DLGAP2: variants seen among roughly 807,000 people sequenced by gnomAD.
DLGAP2 encodes the protein disks large-associated protein 2.
A neutral mutation model predicts 100.3 loss-of-function variants in DLGAP2; 26 were observed. The ratio of observed to expected loss-of-function variants is 0.26; its 90% CI spans 0.19 to 0.36. DLGAP2 has a LOEUF of 0.36. DLGAP2 is among the 10% of genes least tolerant of loss of function. The pLI is 1.00. For synonymous variants in DLGAP2, 886 were observed against 630.1 expected, an observed-to-expected ratio of 1.41 and a Z score of -6.08; for missense variants, 1,858 against 1,453.2, an observed-to-expected ratio of 1.28 and a Z score of -4.53.
intron 3 of DLGAP2, among the ~76,000 whole-genome samples, chr8:1,437,813 C>CAAAAAAAAA (rs59165125): frequency 3.3e-3 from 280 of 84,174 alleles, no homozygotes; most frequent in East Asian, 8.8e-3. Flanking sequence ...ACTAAAAATA[C>CAAAAAAAAA]AAAAAAAAAA....
intron 2 of DLGAP2, among the ~76,000 whole-genome samples, chr8:1,190,712 G>T (rs184188747): frequency 6.6e-6 from 1 of 152,272 alleles, no homozygotes; most frequent in Admixed American, 6.5e-5. Flanking sequence ...AGAAAGCCAG[G>T]GCCAGAGGTC....
intron 6 of DLGAP2, among the ~76,000 whole-genome samples, chr8:1,597,623 T>C (rs1174323223): frequency 1.3e-5 from 2 of 152,226 alleles, no homozygotes; most frequent in Admixed American, 6.5e-5. Context: ...TTATTCTCTT[T>C]GTAGCAATTG....
intron 1 of DLGAP2, among the ~76,000 whole-genome samples, chr8:765,293 A>G (rs1821182895): frequency 3.3e-5 from 5 of 152,224 alleles, no homozygotes; most frequent in Admixed American, 2.6e-4. Context: ...CTGATAATGT[A>G]TCAATGTTAA....
chr8:1,522,501 A>C (rs1490174129), intron 4 of DLGAP2, among the ~76,000 whole-genome samples: 1 of 152,198 alleles, frequency 6.6e-6, no homozygotes, highest in African/African-American at 2.4e-5. Flanking sequence ...GTGCTGGGTC[A>C]TCACCATGCC....
At chr8:1,598,625 C>A (rs914972129) in intron 6 of DLGAP2, among the ~76,000 whole-genome samples, 2 of 152,120 alleles carry the variant, frequency 1.3e-5, no homozygotes, top group Non-Finnish European at 2.9e-5. Flanking sequence ...GTATCAGTTT[C>A]TTCTAGATTT....
chr8:1,279,496 G>A (rs1369523258), intron 3 of DLGAP2, among the ~76,000 whole-genome samples: 1 of 152,162 alleles, frequency 6.6e-6, no homozygotes, highest in Non-Finnish European at 1.5e-5. Flanking sequence ...TGCTGCGGAG[G>A]GAAATTGCAA....
At chr8:1,485,552 T>G (rs567777547) in intron 3 of DLGAP2, among the ~76,000 whole-genome samples, 4 of 152,374 alleles carry the variant, frequency 2.6e-5, no homozygotes, top group South Asian at 2.1e-4. Context: ...TGTCCCACGT[T>G]GCGTCCATGT....
At chr8:865,256 C>G (rs918222945) in intron 1 of DLGAP2, among the ~76,000 whole-genome samples, 2 of 152,180 alleles carry the variant, frequency 1.3e-5, no homozygotes, top group Admixed American at 6.5e-5. Flanking sequence ...GATCTTCTAG[C>G]TGTTTCTGTT....
chr8:746,506 G>C (rs181232448), intron 1 of DLGAP2, among the ~76,000 whole-genome samples: 17 of 152,322 alleles, frequency 1.1e-4, no homozygotes, highest in Admixed American at 9.1e-4. Flanking sequence ...CCAGTGCCAC[G>C]GGCTGGGAGA....
At chr8:1,178,146 C>A (rs137913064) in intron 2 of DLGAP2, among the ~76,000 whole-genome samples, 267 of 152,266 alleles carry the variant, frequency 1.8e-3, no homozygotes, top group African/African-American at 5.9e-3. Context: ...CTAGGGACCC[C>A]CGGAGGACTG....
chr8:1,463,179 A>G (rs1798509065), intron 3 of DLGAP2, among the ~76,000 whole-genome samples: 1 of 152,028 alleles, frequency 6.6e-6, no homozygotes, highest in Non-Finnish European at 1.5e-5. Flanking sequence ...AATCCAGGAG[A>G]TGGAGGCTGC....
intron 1 of DLGAP2, among the ~76,000 whole-genome samples, chr8:787,302 G>A (rs1332300660): frequency 6.6e-6 from 1 of 152,198 alleles, no homozygotes; most frequent in Non-Finnish European, 1.5e-5. Flanking sequence ...GCCTGTCGAT[G>A]GTGATACTGA....
chr8:1,447,125 C>G (rs918632053), intron 3 of DLGAP2, among the ~76,000 whole-genome samples: 2 of 152,218 alleles, frequency 1.3e-5, no homozygotes, highest in African/African-American at 4.8e-5. Context: ...ACTTCCAGCA[C>G]TAGGTTGAAT....
intron 12 of DLGAP2, among the ~76,000 whole-genome samples, chr8:1,686,737 G>A (rs1213868657): frequency 2.0e-5 from 3 of 151,886 alleles, no homozygotes; most frequent in African/African-American, 7.3e-5. Flanking sequence ...ACAGGAGAGA[G>A]GAGGAAGAGA....
chr8:1,102,348 A>T (rs1370714653), intron 2 of DLGAP2, among the ~76,000 whole-genome samples: 1 of 147,686 alleles, frequency 6.8e-6, no homozygotes, highest in East Asian at 1.9e-4. Flanking sequence ...ATAATTATAT[A>T]TTATATATCT....
Position 845,717 on chromosome 8 carries a change from A to G in DLGAP2, c.19-62195A>G, listed in dbSNP as rs141089148. Among the ~76,000 whole-genome samples the G allele has an allele frequency of 3.6e-3, 555 of 152,236 alleles. 3 individuals carry two copies. The highest frequency in any genetic ancestry group is 0.012 in the African/African-American group (510 of 41,542). ...TTGCTGCTTGTGCTTTTGATGTTGTATTTAAGATACCATTGCCTAATCAAG... is the reference window on the plus strand; with the variant it reads ...TTGCTGCTTGTGCTTTTGATGTTGTGTTTAAGATACCATTGCCTAATCAAG... On this transcript the variant is annotated intron_variant, in intron 1 of 14. Transcript: ENST00000637795.
At position 1,039,505 on chromosome 8, in the gene DLGAP2, C is replaced by T. The variant is rs528488440; in HGVS notation, c.73+131539C>T. Among the ~76,000 whole-genome samples the T allele has an allele frequency of 1.5e-3, 198 of 135,444 alleles. 1 individual carries two copies. The highest frequency in any genetic ancestry group is 0.014 in the South Asian group (54 of 3,984). 88.9% of individuals were successfully genotyped at this position (135,444 alleles called of 152,430 possible). A position where few individuals can be genotyped will look rare whatever the true frequency, so the allele number is the denominator to read the frequency against. Reference sequence around the variant, plus strand: ...CCGTGGTCGGCTCGGTGTGCATGGTCGGCTCGGTGTGCATGTTCAGCTCGG... The same window carrying T: ...CCGTGGTCGGCTCGGTGTGCATGGTTGGCTCGGTGTGCATGTTCAGCTCGG... On this transcript the variant is annotated intron_variant, in intron 2 of 14. Transcript: ENST00000637795.
chr8:1,218,485 T>A (rs538678766), intron 2 of DLGAP2, among the ~76,000 whole-genome samples: 15 of 140,210 alleles, frequency 1.1e-4, no homozygotes, highest in Non-Finnish European at 2.2e-4. Flanking sequence ...TGTTGTTTTA[T>A]TCTGTTTAGT....
At chr8:1,158,898 C>T (rs1796841220) in intron 2 of DLGAP2, among the ~76,000 whole-genome samples, 1 of 152,220 alleles carries the variant, frequency 6.6e-6, no homozygotes, top group Non-Finnish European at 1.5e-5. Context: ...GAGGGTTCGG[C>T]CTGACCAGTG....
Sources: gnomAD v4.1 joint callset for allele counts (sites outside exome capture counted in the v4.1 genomes callset) on GRCh38, gnomAD v4.1.1 for gene constraint, MANE v1.5 for transcripts, NCBI Gene and HGNC (gene_info 2026-07-23, HGNC 2026-07-21) for gene names.